The following CTNNA3 variants were observed in gnomAD, a reference collection of about 807,000 sequenced individuals.
CTNNA3 encodes the protein catenin alpha 3.
In CTNNA3, 76 loss-of-function variants were observed where a neutral mutation model predicts 95.7. That is an observed-to-expected ratio of 0.79 (90% CI 0.66 to 0.96). CTNNA3 has a LOEUF of 0.96. Ranked by LOEUF, CTNNA3 falls within the 40% of genes least tolerant of loss-of-function variation. The probability of loss-of-function intolerance (pLI) is 0.00; values close to 1 mark genes in which losing one functional copy is unlikely to be tolerated. For missense variants in CTNNA3, 1,191 were observed against 1,089.8 expected (o/e 1.09, Z -1.31); for synonymous variants, 431 against 374.4 (o/e 1.15, Z -1.74).
chr10:66,429,672 T>C (rs948432411), intron 11 of CTNNA3, among the ~76,000 whole-genome samples: 3 of 152,208 alleles, frequency 2.0e-5, no homozygotes, highest in African/African-American at 4.8e-5. Context: ...TTTCGATAGA[T>C]GCAGAAAAGG....
intron 13 of CTNNA3, among the ~76,000 whole-genome samples, chr10:66,273,220 G>A (rs1482000999): frequency 6.6e-6 from 1 of 152,078 alleles, no homozygotes; most frequent in Non-Finnish European, 1.5e-5. Context: ...TCATCATGAA[G>A]TAAAATAAGG....
At chr10:67,002,069 T>C (rs536018038) in intron 7 of CTNNA3, among the ~76,000 whole-genome samples, 1 of 152,172 alleles carries the variant, frequency 6.6e-6, no homozygotes, top group African/African-American at 2.4e-5. Context: ...TATTAACTTT[T>C]AGGAGCTCAG....
chr10:66,901,669 G>A (rs914704979), intron 7 of CTNNA3, among the ~76,000 whole-genome samples: 2 of 152,136 alleles, frequency 1.3e-5, no homozygotes, highest in African/African-American at 4.8e-5. Flanking sequence ...TCAAAATAAA[G>A]GGATGGAGGA....
chr10:66,927,448 C>G lies in CTNNA3; in HGVS notation c.1048-151924G>C. The G allele has an allele frequency of 6.2e-7, 1 of 1,614,120 alleles. No individual in the cohort carries two copies. Among genetic ancestry groups the G allele is most frequent in the East Asian group, 2.2e-5 (1 of 44,868 alleles). Reference sequence around the variant, plus strand: ...GAGAACCATCCCTGTGCGAATATTCCAAGACTGCCGCAACCTGGAACTTTT... The same window carrying G: ...GAGAACCATCCCTGTGCGAATATTCGAAGACTGCCGCAACCTGGAACTTTT... On this transcript the variant is annotated intron_variant, in intron 7 of 17. Transcript: ENST00000433211. The surrounding 1 kb of genome is among the most constrained non-coding windows in gnomAD (Gnocchi z 4.7).
chr10:67,602,192 TA>T (rs5785827), intron 3 of CTNNA3, among the ~76,000 whole-genome samples: 1 of 146,980 alleles, frequency 6.8e-6, no homozygotes, highest in Admixed American at 6.8e-5. Flanking sequence ...CAAATACCTT[TA>T]AAAAAAAAAA....
intron 12 of CTNNA3, among the ~76,000 whole-genome samples, chr10:66,346,885 G>A (rs1234806017): frequency 6.6e-6 from 1 of 151,958 alleles, no homozygotes; most frequent in Admixed American, 6.6e-5. Context: ...GAAAAATTGA[G>A]GTGATGAGAT....
intron 13 of CTNNA3, among the ~76,000 whole-genome samples, chr10:66,234,734 CT>C (rs1353162131): frequency 6.6e-6 from 1 of 152,170 alleles, no homozygotes; most frequent in African/African-American, 2.4e-5. Flanking sequence ...ATCCCTTCCT[CT>C]TATTATTTAC....
At chr10:66,097,096 G>T (rs2081423755) in intron 14 of CTNNA3, among the ~76,000 whole-genome samples, 1 of 152,094 alleles carries the variant, frequency 6.6e-6, no homozygotes, top group Non-Finnish European at 1.5e-5. Context: ...AAACTTGCTG[G>T]CATCATTAAG....
chr10:67,312,265 G>A lies in CTNNA3; in HGVS notation c.580-92395C>T, dbSNP rs1390871176. On this transcript the variant is annotated intron_variant, in intron 5 of 17. Transcript: ENST00000433211. ...TTTTTGACTTTTTGGTAGAGACGGG[G>A]TATCACCATGTTGGCCAGGCTGGTC... Among the ~76,000 whole-genome samples, 3 of 151,954 alleles carry A rather than the reference G, an allele frequency of 2.0e-5. No individual in the cohort carries two copies. In the East Asian group the frequency reaches 5.8e-4, roughly 29 times the overall value.
chr10:66,825,167 T>C (rs1250204180), intron 7 of CTNNA3, among the ~76,000 whole-genome samples: 2 of 149,434 alleles, frequency 1.3e-5, no homozygotes, highest in Non-Finnish European at 1.5e-5. Flanking sequence ...GCTTGACATA[T>C]AGTGTAAAAT....
At chr10:66,192,001 C>A (rs2086698005) in intron 13 of CTNNA3, among the ~76,000 whole-genome samples, 1 of 152,230 alleles carries the variant, frequency 6.6e-6, no homozygotes, top group African/African-American at 2.4e-5. Context: ...TTGCCTTCTG[C>A]CATGAGATGA....
At chr10:66,112,281 T>C (rs542736943) in intron 13 of CTNNA3, among the ~76,000 whole-genome samples, 1 of 152,296 alleles carries the variant, frequency 6.6e-6, no homozygotes, top group East Asian at 1.9e-4. Flanking sequence ...AGTAAATACA[T>C]ATTTTATTGA....
intron 1 of CTNNA3, among the ~76,000 whole-genome samples, chr10:67,724,630 C>A (rs573472684): frequency 6.6e-6 from 1 of 152,178 alleles, no homozygotes; most frequent in Non-Finnish European, 1.5e-5. Context: ...CCAATGGGGG[C>A]AAGGAGCTGA....
chr10:66,522,100 T>C (rs1841088321), intron 10 of CTNNA3, among the ~76,000 whole-genome samples: 1 of 152,094 alleles, frequency 6.6e-6, no homozygotes, highest in Non-Finnish European at 1.5e-5. Flanking sequence ...TAATATAATA[T>C]TTTTTTAATC....
At chr10:66,920,720 C>G (rs1846746015) in intron 7 of CTNNA3, among the ~76,000 whole-genome samples, 1 of 152,190 alleles carries the variant, frequency 6.6e-6, no homozygotes. Context: ...GTGTTAAACT[C>G]TTGGTCTTGC....
intron 7 of CTNNA3, among the ~76,000 whole-genome samples, chr10:66,922,018 C>T (rs1413699135): frequency 6.6e-6 from 1 of 152,204 alleles, no homozygotes; most frequent in Non-Finnish European, 1.5e-5. Flanking sequence ...AACTCAGTTT[C>T]ATATTGGACT....
intron 1 of CTNNA3, among the ~76,000 whole-genome samples, chr10:67,683,169 A>C (rs1311744915): frequency 6.6e-6 from 1 of 152,244 alleles, no homozygotes; most frequent in Non-Finnish European, 1.5e-5. Flanking sequence ...AGAGTCTAAC[A>C]GAAAAGCAAG....
At chr10:66,059,647 T>C (rs2080156066) in intron 15 of CTNNA3, among the ~76,000 whole-genome samples, 1 of 152,104 alleles carries the variant, frequency 6.6e-6, no homozygotes, top group African/African-American at 2.4e-5. Context: ...TGGCTCTAAA[T>C]TCTCCACTGT....
intron 9 of CTNNA3, among the ~76,000 whole-genome samples, chr10:66,724,551 C>CA (rs1439678291): frequency 6.6e-6 from 1 of 152,146 alleles, no homozygotes; most frequent in Non-Finnish European, 1.5e-5. Flanking sequence ...AGTTAATTTG[C>CA]ATTCCCTTAG....
Sources: gnomAD v4.1 joint callset for allele counts (sites outside exome capture counted in the v4.1 genomes callset) on GRCh38, gnomAD v4.1.1 for gene constraint, Gnocchi (gnomAD v3.1) non-coding constraint, MANE v1.5 for transcripts, NCBI Gene and HGNC (gene_info 2026-07-23, HGNC 2026-07-21) for gene names.